Variants in LARGE1 observed in about 807,000 individuals in gnomAD.
The protein encoded by LARGE1 is LARGE xylosyl- and glucuronyltransferase 1, also known as xylosyl- and glucuronyltransferase LARGE1.
Under a neutral mutation model 87.6 loss-of-function variants are expected in LARGE1, and 43 were observed. The observed-to-expected ratio is 0.49, with a 90% confidence interval of 0.38 to 0.63. The LOEUF (loss-of-function observed/expected upper bound fraction) is 0.63. LARGE1 is among the 30% of genes least tolerant of loss of function. The pLI is 0.00. For missense variants in LARGE1, 802 were observed against 1,000.2 expected (o/e 0.80, Z 2.67); for synonymous variants, 434 against 394.6 (o/e 1.10, Z -1.18).
intron 11 of LARGE1, among the ~76,000 whole-genome samples, chr22:33,169,149 T>C (rs187293090): frequency 1.5e-3 from 231 of 152,364 alleles, no homozygotes; most frequent in Non-Finnish European, 2.0e-3. Flanking sequence ...TATCATTTGC[T>C]TTTGTATAAG....
At chr22:33,442,942 G>A (rs1417862969) in intron 6 of LARGE1, among the ~76,000 whole-genome samples, 1 of 151,924 alleles carries the variant, frequency 6.6e-6, no homozygotes, top group Non-Finnish European at 1.5e-5. Flanking sequence ...ACAGGCGCCC[G>A]CACCACATCC....
intron 5 of LARGE1, among the ~76,000 whole-genome samples, chr22:33,593,186 A>T (rs1227675887): frequency 6.7e-6 from 1 of 148,764 alleles, no homozygotes; most frequent in Non-Finnish European, 1.5e-5. Context: ...TTATTTTGAG[A>T]CCAGGTTATG....
intron 7 of LARGE1, among the ~76,000 whole-genome samples, chr22:33,405,851 G>A (rs775697903): frequency 1.3e-5 from 2 of 152,070 alleles, no homozygotes; most frequent in African/African-American, 2.4e-5. Flanking sequence ...CCTTCCTTAC[G>A]CTCTGTGAAG....
intron 4 of LARGE1, among the ~76,000 whole-genome samples, chr22:33,623,348 G>A (rs1340406073): frequency 2.6e-5 from 4 of 152,138 alleles, no homozygotes; most frequent in African/African-American, 7.2e-5. Context: ...CTCACCTCAG[G>A]TCAGAAGACA....
intron 7 of LARGE1, among the ~76,000 whole-genome samples, chr22:33,386,633 G>A (rs557162801): frequency 5.4e-5 from 8 of 148,922 alleles, no homozygotes; most frequent in African/African-American, 1.9e-4. Flanking sequence ...ATGGAGTTGG[G>A]GAGGAAGGTA....
chr22:33,707,365 T>C (rs1273359317), intron 2 of LARGE1, among the ~76,000 whole-genome samples: 1 of 152,208 alleles, frequency 6.6e-6, no homozygotes, highest in Non-Finnish European at 1.5e-5. Flanking sequence ...TAACAAAATT[T>C]ATAAAATCAA....
chr22:33,753,194 T>G (rs1050540734), intron 2 of LARGE1, among the ~76,000 whole-genome samples: 1 of 152,086 alleles, frequency 6.6e-6, no homozygotes, highest in Non-Finnish European at 1.5e-5. Context: ...CACTCTAGCC[T>G]GGTGATAGAG....
At chr22:33,402,233 T>C (rs915227964) in intron 7 of LARGE1, among the ~76,000 whole-genome samples, 2 of 152,116 alleles carry the variant, frequency 1.3e-5, no homozygotes, top group Admixed American at 1.3e-4. Flanking sequence ...GTGTGATGAA[T>C]GAAAGAGCCA....
the LARGE1 span, among the ~76,000 whole-genome samples, chr22:33,107,353 C>T: frequency 6.6e-6 from 1 of 151,158 alleles, no homozygotes; most frequent in African/African-American, 2.4e-5. Flanking sequence ...TGCTTGAACT[C>T]AGGAGTTTGG....
chr22:33,692,746 A>C (rs2082131818), intron 2 of LARGE1, among the ~76,000 whole-genome samples: 1 of 152,232 alleles, frequency 6.6e-6, no homozygotes, highest in Non-Finnish European at 1.5e-5. Flanking sequence ...ATTTTGCTAA[A>C]AGTACTGTAT....
intron 5 of LARGE1, among the ~76,000 whole-genome samples, chr22:33,600,772 G>T (rs1225825773): frequency 6.6e-6 from 1 of 152,122 alleles, no homozygotes. Flanking sequence ...CTCAGCCGGG[G>T]GCAGTGGCTC....
At chr22:33,819,734 A>G (rs983322973) in intron 1 of LARGE1, among the ~76,000 whole-genome samples, 3 of 151,908 alleles carry the variant, frequency 2.0e-5, no homozygotes, top group African/African-American at 4.8e-5. Context: ...AACCTTGCCT[A>G]CTCCATAAAA....
intron 1 of LARGE1, among the ~76,000 whole-genome samples, chr22:33,783,374 G>A (rs1419298500): frequency 6.6e-6 from 1 of 152,186 alleles, no homozygotes; most frequent in East Asian, 1.9e-4. Flanking sequence ...AGAACAGCCT[G>A]GCCAACATGG....
At chr22:33,762,440 C>T (rs866365865) in intron 1 of LARGE1, among the ~76,000 whole-genome samples, 23 of 152,106 alleles carry the variant, frequency 1.5e-4, no homozygotes, top group African/African-American at 5.3e-4. Flanking sequence ...GCAATGGTAT[C>T]GACTAAAGAG....
chr22:33,126,619 C>T, the LARGE1 span, among the ~76,000 whole-genome samples: 1 of 152,184 alleles, frequency 6.6e-6, no homozygotes, highest in East Asian at 1.9e-4. Flanking sequence ...TGTGGGCAGG[C>T]TGTTCACCTT....
chr22:33,846,911 C>T (rs2063449625), intron 1 of LARGE1, among the ~76,000 whole-genome samples: 1 of 152,150 alleles, frequency 6.6e-6, no homozygotes. Flanking sequence ...ATTTTAATTT[C>T]ACCCCTGTCC....
chr22:33,858,241 T>A (rs551848390), intron 1 of LARGE1, among the ~76,000 whole-genome samples: 1 of 152,256 alleles, frequency 6.6e-6, no homozygotes, highest in Admixed American at 6.5e-5. Flanking sequence ...CCAGTGGACA[T>A]CCTGCTGGAT....
At chr22:33,144,357 ATAATTCTATAGTTGTTGCATAGAAT>A in the LARGE1 span, among the ~76,000 whole-genome samples, 2 of 152,158 alleles carry the variant, frequency 1.3e-5, no homozygotes, top group Non-Finnish European at 2.9e-5. Context: ...CATAAGATTA[ATAATTCTATAGTTGTTGCATAGAAT>A]TAATTCTATA....
chr22:33,826,374 G>C (rs190057297), intron 1 of LARGE1, among the ~76,000 whole-genome samples: 2 of 142,244 alleles, frequency 1.4e-5, no homozygotes, highest in East Asian at 2.0e-4. Context: ...ATGGAGTCTC[G>C]CTCTGTCGCA....
Sources: gnomAD v4.1 joint callset for allele counts (sites outside exome capture counted in the v4.1 genomes callset) on GRCh38, gnomAD v4.1.1 for gene constraint, MANE v1.5 for transcripts, NCBI Gene and HGNC (gene_info 2026-07-23, HGNC 2026-07-21) for gene names.